The following PLXNA1 variants were observed in gnomAD, a reference collection of about 807,000 sequenced individuals.
PLXNA1 encodes plexin A1.
In PLXNA1, 77 loss-of-function variants were observed where a neutral mutation model predicts 191.7. The ratio of observed to expected loss-of-function variants is 0.40; its 90% CI spans 0.33 to 0.49. PLXNA1 has a LOEUF of 0.49. PLXNA1 is among the 20% of genes least tolerant of loss of function. PLXNA1 has a pLI of 0.63. For synonymous variants in PLXNA1, 1,137 were observed against 1,156.4 expected, an observed-to-expected ratio of 0.98 and a Z score of 0.34; for missense variants, 2,110 against 2,660.2, an observed-to-expected ratio of 0.79 and a Z score of 4.55.
Position 127,022,169 on chromosome 3 carries a change from C to T in PLXNA1, c.4123C>T (p.Leu1375=). The change falls in exon 22 of 32, where the codon CTG becomes TTG. Residue 1375 remains leucine (L), a synonymous_variant. Coordinates refer to ENST00000393409, the MANE Select transcript of PLXNA1 (RefSeq NM_032242.4). ...KHFLLTFIRT[L]EAQRSFSMRD... is the part of the protein sequence containing the mutation. The stretch of plus-strand genomic sequence containing the variant: ...CTTCCTGCTGACCTTCATCCGCACG[C>T]TGGAGGCACAGCGCAGCTTCTCCAT... 1 of 1,613,410 alleles carries T rather than the reference C, an allele frequency of 6.2e-7. No homozygotes were observed. Among genetic ancestry groups the T allele is most frequent in the South Asian group, 1.1e-5 (1 of 91,060 alleles).
rs754145139 is a variant in PLXNA1, at chr3:127,014,689, C to T, written c.2757-22C>T. On this transcript the variant is annotated intron_variant, in intron 13 of 31. Transcript: ENST00000393409. ...GGGACGGGGCGGGGCTCCTGCAGCC[C>T]CTGAGGCCCGCCTGCCCACAGGATC... 12 of 1,610,946 alleles carry T rather than the reference C, an allele frequency of 7.4e-6. No individual in the cohort carries two copies. In the South Asian group the frequency reaches 1.2e-4, roughly 16 times the overall value.
chr3:127,015,357 C>G lies in PLXNA1; in HGVS notation c.3014+37C>G, dbSNP rs777645788. On this transcript the variant is annotated intron_variant, in intron 15 of 31. Transcript: ENST00000393409. ...AGGTGGGGGTGGGGGCCTGGCTGCC[C>G]CTCCTCCTGTTTCAGATGGTTGCAT... The G allele has an allele frequency of 3.2e-6, 5 of 1,581,470 alleles. No individual in the cohort carries two copies. The East Asian group carries it at 1.1e-4, about 36-fold the overall frequency.
At chr3:127,003,528 C>A (rs1315904911) in intron 4 of PLXNA1, 58 bp downstream of exon 4, 26 of 1,533,340 alleles carry the variant, frequency 1.7e-5, no homozygotes, top group Non-Finnish European at 2.1e-5. Flanking sequence ...CTACCAGGAA[C>A]CCCAGTCACA....
chr3:127,032,379 G>A lies in PLXNA1; in HGVS notation c.5232-8G>A, dbSNP rs1002989520. The A allele has an allele frequency of 6.8e-6, 11 of 1,613,080 alleles. No individual in the cohort carries two copies. Among genetic ancestry groups the A allele is most frequent in the Admixed American group, 6.7e-5 (4 of 59,970 alleles). ...CTATCTGAGCAGCGCCTGGACTCTC[G>A]CCTGCAGCCTGCCCCTGCGCTTCTG... On this transcript the variant is annotated splice_region_variant and splice_polypyrimidine_tract_variant and intron_variant, in intron 29 of 31. Transcript: ENST00000393409.
rs545301572 is a variant in PLXNA1 at position 127,014,320 on chromosome 3, C to T, written c.2549C>T (p.Ser850Leu). 5 of 1,597,164 alleles carry T rather than the reference C, an allele frequency of 3.1e-6. No homozygotes were observed. Among genetic ancestry groups the T allele is most frequent in the African/African-American group, 2.7e-5 (2 of 74,918 alleles). Reference sequence around the variant, plus strand: ...CACTGCGCTGCCGACACACCTGCATCGTGGATGCACGCGCGTCACGGCAGC... The same window carrying T: ...CACTGCGCTGCCGACACACCTGCATTGTGGATGCACGCGCGTCACGGCAGC... ...RHHCAADTPA[S>L]WMHARHGSSR... Residue 850 changes from serine (S) to leucine (L), a missense_variant, in exon 12 of 32, where the codon TCG becomes TTG. Transcript: ENST00000393409.
intron 3 of PLXNA1, among the ~76,000 whole-genome samples, chr3:127,001,662 C>T (rs1270921418): frequency 6.6e-6 from 1 of 152,276 alleles, no homozygotes; most frequent in African/African-American, 2.4e-5. Context: ...TCCTCGCCTT[C>T]CTTCCCCCAC....
At chr3:127,033,359 C>T (rs566059594) in intron 31 of PLXNA1, among the ~76,000 whole-genome samples, 95 of 152,302 alleles carry the variant, frequency 6.2e-4, no homozygotes, top group African/African-American at 1.7e-3. Flanking sequence ...CGGCCTGTGC[C>T]AAGGCTCTGA....
chr3:127,013,246 G>A (rs1438297963), intron 10 of PLXNA1, among the ~76,000 whole-genome samples: 2 of 152,032 alleles, frequency 1.3e-5, no homozygotes, highest in Admixed American at 6.6e-5. Context: ...TTCCACCTGC[G>A]TCTCCCTCCC....
At chr3:126,993,645 G>A (rs1474325743) in intron 3 of PLXNA1, among the ~76,000 whole-genome samples, 1 of 152,204 alleles carries the variant, frequency 6.6e-6, no homozygotes, top group Non-Finnish European at 1.5e-5. Flanking sequence ...GCTGGGTGCC[G>A]TGGGCCATGT....
chr3:126,987,371 A>C (rs1435245811), intron 1 of PLXNA1, among the ~76,000 whole-genome samples: 1 of 152,186 alleles, frequency 6.6e-6, no homozygotes, highest in East Asian at 1.9e-4. Context: ...CCTCGTGTGC[A>C]GGTCAGAAGA....
At chr3:127,031,603 A>G (rs1457659689) in intron 29 of PLXNA1, among the ~76,000 whole-genome samples, 2 of 152,128 alleles carry the variant, frequency 1.3e-5, no homozygotes, top group East Asian at 1.9e-4. Context: ...GGTCTTGTCC[A>G]TCCCATGTGT....
At chr3:127,029,603 G>T in intron 27 of PLXNA1, 67 bp downstream of exon 27, 1 of 1,524,992 alleles carries the variant, frequency 6.6e-7, no homozygotes, top group Non-Finnish European at 9.1e-7. Context: ...ACGTCCCCCG[G>T]GCTCCCACGC....
At position 127,029,974 on chromosome 3, in the gene PLXNA1, G is replaced by A. The variant is rs781473109; in HGVS notation, c.4971G>A (p.Val1657=). 5 of 1,613,652 alleles carry A rather than the reference G, an allele frequency of 3.1e-6. No individual in the cohort carries two copies. The African/African-American group carries it at 4.0e-5, about 13-fold the overall frequency. The part of the protein sequence containing the change: ...LESGTKLWHL[V]KNHDHLDQRE... Reference sequence around the variant, plus strand: ...GCGGCACCAAGCTGTGGCACCTGGTGAAGAACCACGACCACCTGGACCAGC... The same window carrying A: ...GCGGCACCAAGCTGTGGCACCTGGTAAAGAACCACGACCACCTGGACCAGC... Residue 1657 remains valine, a synonymous_variant, in exon 28 of 32, where the codon GTG becomes GTA. Transcript: ENST00000393409.
In PLXNA1 at chr3:127,014,135, G is replaced by C; in HGVS notation, c.2410+19G>C. 6.2e-7 allele frequency: 1 copy of C among 1,613,278 alleles called. No homozygotes were observed. The highest frequency in any genetic ancestry group is 8.5e-7 in the Non-Finnish European group (1 of 1,179,746). On this transcript the variant is annotated intron_variant, in intron 11 of 31. Coordinates refer to ENST00000393409, the MANE Select transcript of PLXNA1 (RefSeq NM_032242.4). ...ATCCAGGGTGAGTGGGCGCCCCGGC[G>C]GGGTGGGCAGTGGGCGGGCCCGAGC...
intron 23 of PLXNA1, among the ~76,000 whole-genome samples, chr3:127,025,753 G>A (rs1234171424): frequency 2.6e-5 from 4 of 152,228 alleles, no homozygotes; most frequent in African/African-American, 9.6e-5. Flanking sequence ...AGCAATCCAG[G>A]TGTCCATCGA....
At chr3:127,016,774 C>A in intron 16 of PLXNA1, 90 bp downstream of exon 16, 1 of 1,474,406 alleles carries the variant, frequency 6.8e-7, no homozygotes, top group Non-Finnish European at 9.4e-7. Context: ...GGCGGTGGCC[C>A]TCCTGCATGC....
At chr3:126,990,427 T>C (rs751852619) in intron 2 of PLXNA1, among the ~76,000 whole-genome samples, 8 of 152,204 alleles carry the variant, frequency 5.3e-5, no homozygotes, top group Non-Finnish European at 1.0e-4. Context: ...AAGGCACAGC[T>C]GGGGTGGGGC....
chr3:126,996,413 A>G (rs2079015246), intron 3 of PLXNA1, among the ~76,000 whole-genome samples: 1 of 152,126 alleles, frequency 6.6e-6, no homozygotes, highest in African/African-American at 2.4e-5. Flanking sequence ...GGATTTTGGA[A>G]TTTGTAAGTT....
chr3:127,016,781 A>G (rs2079125915), intron 16 of PLXNA1, 97 bp downstream of exon 16: 5 of 1,462,058 alleles, frequency 3.4e-6, no homozygotes, highest in Middle Eastern at 1.8e-4. Context: ...GCCCTCCTGC[A>G]TGCCGGGTAC....
Sources: gnomAD v4.1 joint callset for allele counts (sites outside exome capture counted in the v4.1 genomes callset) on GRCh38, gnomAD v4.1.1 for gene constraint, MANE v1.5 for transcripts, NCBI Gene and HGNC (gene_info 2026-07-23, HGNC 2026-07-21) for gene names.